Variants in AFAP1 observed in about 807,000 individuals in gnomAD.
AFAP1 encodes the protein actin filament-associated protein 1.
AFAP1 carries 75 observed loss-of-function variants against 93.9 expected under a neutral mutation model. That is an observed-to-expected ratio of 0.80 (90% CI 0.66 to 0.97). AFAP1 has a LOEUF of 0.97. Among genes scored for constraint, AFAP1 ranks in the 50% least tolerant of loss-of-function variants. AFAP1 has a pLI of 0.00. For missense variants in AFAP1, 1,201 were observed against 1,050.8 expected (o/e 1.14, Z -1.98); for synonymous variants, 517 against 430.7 (o/e 1.20, Z -2.48).
intron 17 of AFAP1, among the ~76,000 whole-genome samples, chr4:7,767,339 C>T (rs1024478699): frequency 2.0e-5 from 3 of 152,154 alleles, no homozygotes; most frequent in African/African-American, 7.2e-5. Flanking sequence ...GATGGGAGCC[C>T]TTTTGAGGGT....
chr4:7,772,713 CACAA>C (rs1715602725), intron 16 of AFAP1, 103 bp downstream of exon 16: 1 of 1,073,540 alleles, frequency 9.3e-7, no homozygotes, highest in African/African-American at 1.6e-5. Context: ...ACTAAGGGGC[CACAA>C]GCAAGCTACG....
At chr4:7,854,500 T>C (rs533188148) in intron 4 of AFAP1, among the ~76,000 whole-genome samples, 2 of 152,346 alleles carry the variant, frequency 1.3e-5, no homozygotes, top group African/African-American at 2.4e-5. Context: ...AGACGGATCC[T>C]GCTTTGGTGG....
intron 13 of AFAP1, among the ~76,000 whole-genome samples, chr4:7,780,048 T>C (rs946719655): frequency 4.6e-5 from 7 of 152,236 alleles, no homozygotes; most frequent in African/African-American, 1.7e-4. Context: ...TGGCAAACTG[T>C]GTGGCAGGGT....
intron 1 of AFAP1, among the ~76,000 whole-genome samples, chr4:7,909,489 T>C (rs1719612495): frequency 6.6e-6 from 1 of 152,198 alleles, no homozygotes; most frequent in Non-Finnish European, 1.5e-5. Flanking sequence ...TAACCAACTG[T>C]CAAATTATTG....
At chr4:7,769,181 G>T (rs1423195429) in intron 16 of AFAP1, among the ~76,000 whole-genome samples, 173 bp from the exon 17 acceptor site, 3 of 152,216 alleles carry the variant, frequency 2.0e-5, no homozygotes, top group African/African-American at 7.2e-5. Flanking sequence ...AGCGTCTCCT[G>T]GCATTCACGG....
chr4:7,898,808 A>AGTGCGTGTGTGT (rs1553853360), intron 1 of AFAP1, among the ~76,000 whole-genome samples: 1 of 136,956 alleles, frequency 7.3e-6, no homozygotes, highest in East Asian at 2.1e-4. Flanking sequence ...GGGCAGTAGA[A>AGTGCGTGTGTGT]GTGTGTGTGT....
chr4:7,772,845 G>C lies in AFAP1; in HGVS notation c.2228C>G (p.Pro743Arg), dbSNP rs753656225. 1.2e-6 allele frequency: 2 copies of C among 1,614,038 alleles called. No individual in the cohort carries two copies. Among genetic ancestry groups the C allele is most frequent in the Non-Finnish European group, 1.7e-6 (2 of 1,180,002 alleles). The change falls in exon 16 of 18, where the codon CCC becomes CGC. Residue 743 changes from proline to arginine, a missense_variant. Transcript: ENST00000420658. ...CTGTGGACTCGATGTCCCTGACTTG[G>C]GCTCGATGGCCAGCCCCAGGGTGAC... is the stretch of plus-strand genomic sequence containing the variant. ...GGVTLGLAIE[P>R]KSGTSSPQSP...
At chr4:7,811,250 C>A (rs1045103527) in intron 8 of AFAP1, among the ~76,000 whole-genome samples, 2 of 149,084 alleles carry the variant, frequency 1.3e-5, no homozygotes, top group Non-Finnish European at 3.0e-5. Context: ...AATCCCTCAA[C>A]CCGCTGGCTG....
intron 14 of AFAP1, chr4:7,777,793 G>A (rs530131488): frequency 5.3e-5 from 8 of 152,236 alleles, no homozygotes; most frequent in Non-Finnish European, 8.8e-5. Context: ...CCCATCACCT[G>A]TAAATCCCCA....
rs1717090321 is a variant in AFAP1 at position 7,871,955 on chromosome 4, T to C, written c.124A>G (p.Lys42Glu). The C allele has an allele frequency of 3.7e-6, 6 of 1,614,076 alleles. No individual in the cohort carries two copies. In the South Asian group the frequency reaches 6.6e-5, roughly 18 times the overall value. The change falls in exon 2 of 18, where the codon AAA becomes GAA. Residue 42 changes from lysine to glutamate, a missense_variant. Transcript: ENST00000420658. ...TNILLRIQSS[K>E]GFDVKDHAQK... ...CAGGCGTCAGAATGAGACTCACCTT[T>C]GGATGACTGTATTCTTAGCAGAATG... is the stretch of plus-strand genomic sequence containing the variant.
At chr4:7,889,554 A>G (rs541568844) in intron 1 of AFAP1, among the ~76,000 whole-genome samples, 40 of 147,862 alleles carry the variant, frequency 2.7e-4, no homozygotes, top group Middle Eastern at 3.5e-3. Context: ...AAAAAAAAAA[A>G]AAAAGAAAAA....
chr4:7,774,496 C>T (rs1416725246), intron 15 of AFAP1: 5 of 513,568 alleles, frequency 9.7e-6, no homozygotes, highest in Middle Eastern at 5.2e-4. Context: ...TCCCCTGCCT[C>T]GGTGAGCAGC....
At chr4:7,912,437 C>G (rs1338780527) in intron 1 of AFAP1, among the ~76,000 whole-genome samples, 1 of 152,192 alleles carries the variant, frequency 6.6e-6, no homozygotes, top group Non-Finnish European at 1.5e-5. Flanking sequence ...TGAGTGATTC[C>G]GTTTCCCTGC....
chr4:7,869,770 T>C (rs1296710564), intron 2 of AFAP1, among the ~76,000 whole-genome samples: 1 of 151,972 alleles, frequency 6.6e-6, no homozygotes, highest in African/African-American at 2.4e-5. Context: ...GTGCCTGACC[T>C]CCAGGAGCTG....
chr4:7,889,689 C>CGTT (rs1553852332), intron 1 of AFAP1, among the ~76,000 whole-genome samples: 3 of 89,012 alleles, frequency 3.4e-5, no homozygotes, highest in African/African-American at 1.0e-4. Context: ...CTCAATGAAG[C>CGTT]GTTTTTTTTT....
chr4:7,769,802 T>C (rs189145465), intron 16 of AFAP1, among the ~76,000 whole-genome samples: 1 of 152,340 alleles, frequency 6.6e-6, no homozygotes, highest in Admixed American at 6.5e-5. Context: ...TCAATTACCA[T>C]GAAAATGGGC....
intron 5 of AFAP1, chr4:7,842,775 G>C (rs1271625859): frequency 4.3e-5 from 8 of 185,614 alleles, no homozygotes; most frequent in Admixed American, 1.6e-4. Flanking sequence ...CTATGAGCTG[G>C]CTTTGAGGAA....
chr4:7,770,842 A>T lies in AFAP1; in HGVS notation c.2254-1834T>A, dbSNP rs547537250. ...GGACAAAAGACAAGCAGCGTGGGGG[A>T]CTGTGTGCACTCCTGCCTCAGATCA... On this transcript the variant is annotated intron_variant, in intron 16 of 17. Coordinates refer to ENST00000420658, the MANE Select transcript of AFAP1 (RefSeq NM_001134647.2). Among the ~76,000 whole-genome samples, 28 of 152,168 alleles carry T rather than the reference A, an allele frequency of 1.8e-4. No individual in the cohort carries two copies. The East Asian group carries it at 3.3e-3, about 18-fold the overall frequency.
At chr4:7,802,610 G>T (rs1219439466) in intron 9 of AFAP1, among the ~76,000 whole-genome samples, 1 of 149,590 alleles carries the variant, frequency 6.7e-6, no homozygotes, top group African/African-American at 2.5e-5. Flanking sequence ...AATGCTATTT[G>T]TAAATGATGT....
Sources: allele counts gnomAD v4.1 joint callset (sites outside exome capture counted in the v4.1 genomes callset), GRCh38; gene constraint gnomAD v4.1.1; transcripts MANE v1.5; gene names NCBI Gene and HGNC (gene_info 2026-07-23, HGNC 2026-07-21).